The following SH2B2 variants were observed in gnomAD, a reference collection of about 807,000 sequenced individuals.
SH2B2 encodes SH2B adapter protein 2.
A neutral mutation model predicts 35.7 loss-of-function variants in SH2B2; 37 were observed. The ratio of observed to expected loss-of-function variants is 1.04; its 90% confidence interval spans 0.80 to 1.36. The LOEUF is 1.36. Ranked by LOEUF, SH2B2 falls within the 40% of genes most tolerant of loss-of-function variation. The probability of loss-of-function intolerance (pLI) is 0.00; values close to 1 mark genes in which losing one functional copy is unlikely to be tolerated. For missense variants in SH2B2, 852 were observed against 817.7 expected, an observed-to-expected ratio of 1.04 and a Z score of -0.51; for synonymous variants, 383 against 376.4, an observed-to-expected ratio of 1.02 and a Z score of -0.20.
At chr7:102,320,789 G>A (rs1207551852) in intron 8 of SH2B2, among the ~76,000 whole-genome samples, 2 of 152,120 alleles carry the variant, frequency 1.3e-5, no homozygotes, top group Non-Finnish European at 2.9e-5. Flanking sequence ...ACAGGGGTGT[G>A]GATTGGGGCA....
At chr7:102,314,083 G>A (rs973203078) in intron 4 of SH2B2, among the ~76,000 whole-genome samples, 3 of 152,140 alleles carry the variant, frequency 2.0e-5, no homozygotes, top group East Asian at 1.9e-4. Flanking sequence ...TTTTTTGTTC[G>A]AGGCTGCTGC....
At chr7:102,293,570 C>G (rs1792778581) in intron 1 of SH2B2, among the ~76,000 whole-genome samples, 1 of 151,864 alleles carries the variant, frequency 6.6e-6, no homozygotes, top group African/African-American at 2.4e-5. Context: ...GGAGGGTGGT[C>G]TACCCGCCCA....
intron 1 of SH2B2, among the ~76,000 whole-genome samples, chr7:102,298,680 G>C (rs1274757056): frequency 2.6e-5 from 4 of 152,074 alleles, no homozygotes; most frequent in Admixed American, 6.6e-5. Flanking sequence ...TCCAGGCTCA[G>C]GTGATCGTCC....
At chr7:102,306,475 C>T (rs1237940625) in intron 2 of SH2B2, among the ~76,000 whole-genome samples, 8 of 152,196 alleles carry the variant, frequency 5.3e-5, no homozygotes, top group East Asian at 1.9e-4. Flanking sequence ...CCTCCTGCCT[C>T]GGCCTCCCAA....
intron 3 of SH2B2, among the ~76,000 whole-genome samples, chr7:102,307,579 A>AGGCTGGG (rs1282842997): frequency 2.0e-5 from 3 of 151,926 alleles, no homozygotes; most frequent in African/African-American, 7.3e-5. Flanking sequence ...GAGTCATCCC[A>AGGCTGGG]GGCTGGGGGC....
At chr7:102,315,172 G>A (rs1177962823) in intron 6 of SH2B2, among the ~76,000 whole-genome samples, 1 of 151,020 alleles carries the variant, frequency 6.6e-6, no homozygotes, top group Non-Finnish European at 1.5e-5. Flanking sequence ...CTGGGCGACA[G>A]AGTGAGACTA....
At chr7:102,320,906 C>T (rs1266867996) in intron 8 of SH2B2, among the ~76,000 whole-genome samples, 6 of 152,064 alleles carry the variant, frequency 3.9e-5, no homozygotes, top group Non-Finnish European at 8.8e-5. Context: ...CATGTGCATG[C>T]GTGTGCTTGT....
rs73712462 is a variant in SH2B2, at chr7:102,317,464, G to A, written c.1395+69G>A. ...GAGGGAGAGGGGTCATGGTGACCCC[G>A]GTCCTGAGGCTGTGCCCTGGAAGCA... On this transcript the variant is annotated intron_variant, in intron 7 of 8. Coordinates refer to ENST00000444095, the MANE Select transcript of SH2B2 (RefSeq NM_001359228.2). 2,426 of 1,359,580 alleles carry A rather than the reference G, an allele frequency of 1.8e-3. 39 individuals are homozygous for A. The African/African-American group carries it at 0.031, about 17-fold the overall frequency. The allele number at this position is 1,359,580 out of a possible 1,614,324, so 84.2% of individuals were successfully genotyped here.
At chr7:102,320,571 T>C in intron 8 of SH2B2, 69 bp downstream of exon 8, 2 of 1,530,020 alleles carry the variant, frequency 1.3e-6, no homozygotes, top group South Asian at 2.4e-5. Context: ...AAGAAGGTGG[T>C]CCCTGGGGTG....
intron 7 of SH2B2, among the ~76,000 whole-genome samples, chr7:102,318,375 G>A (rs1002490496): frequency 6.6e-6 from 1 of 152,148 alleles, no homozygotes; most frequent in Admixed American, 6.6e-5. Flanking sequence ...CTGACCTCAG[G>A]TGATCCACCC....
At position 102,300,808 on chromosome 7, in the gene SH2B2, G is replaced by T. The variant is rs1586578364; in HGVS notation, c.258G>T (p.Thr86=). ...EVRRVLVAGP[T]TRGAAVSAEA... is the part of the protein sequence containing the mutation. ...GCCGCGTGCTGGTGGCTGGGCCGACGACTCGGGGCGCGGCCGTGAGCGCAG... is the reference window on the plus strand; with the variant it reads ...GCCGCGTGCTGGTGGCTGGGCCGACTACTCGGGGCGCGGCCGTGAGCGCAG... Residue 86 remains threonine, a synonymous_variant, in exon 2 of 9, where the codon ACG becomes ACT. Coordinates refer to ENST00000444095, the MANE Select transcript of SH2B2 (RefSeq NM_001359228.2). The T allele has an allele frequency of 2.0e-6, 3 of 1,489,856 alleles. No individual in the cohort carries two copies. Among genetic ancestry groups the T allele is most frequent in the Non-Finnish European group, 2.7e-6 (3 of 1,115,720 alleles). The allele number at this position is 1,489,856 out of a possible 1,614,324, so 92.3% of individuals were successfully genotyped here. A position where few individuals can be genotyped will look rare whatever the true frequency, so the allele number is the denominator to read the frequency against.
intron 3 of SH2B2, among the ~76,000 whole-genome samples, 189 bp downstream of exon 3, chr7:102,307,011 G>T (rs1793429993): frequency 6.6e-6 from 1 of 152,224 alleles, no homozygotes; most frequent in Admixed American, 6.5e-5. Context: ...CTTGAGTCTG[G>T]GCTCCACAGC....
chr7:102,308,333 T>G (rs544599085), intron 3 of SH2B2, among the ~76,000 whole-genome samples: 94 of 152,358 alleles, frequency 6.2e-4, no homozygotes, highest in Non-Finnish European at 1.0e-3. Flanking sequence ...TCTCCTGCCC[T>G]CTTCCCCTTC....
chr7:102,320,640 A>T lies in SH2B2; in HGVS notation c.1567+138A>T, dbSNP rs1794020957. 2.5e-6 allele frequency: 3 copies of T among 1,187,728 alleles called. No individual in the cohort carries two copies. The African/African-American group carries it at 4.6e-5, about 18-fold the overall frequency. The allele number at this position is 1,187,728 out of a possible 1,614,324, so 73.6% of individuals were successfully genotyped here. ...AGCCGTGTCCCTCCCACCCTAGCCT[A>T]GCCACAGCAATTTCAAGCAGTCACG... On this transcript the variant is annotated intron_variant, in intron 8 of 8. Coordinates refer to ENST00000444095, the MANE Select transcript of SH2B2 (RefSeq NM_001359228.2).
Position 102,287,284 on chromosome 7 carries a change from C to T in SH2B2, c.-30+190C>T, listed in dbSNP as rs551921679. On this transcript the variant is annotated intron_variant, in intron 1 of 8. Coordinates refer to ENST00000444095, the MANE Select transcript of SH2B2 (RefSeq NM_001359228.2). ...GGGCGCGCGAGGGAGGGGAGGCGCCCCCGGCTGGGATCTGCTCCCCGATCC... is the reference window on the plus strand; with the variant it reads ...GGGCGCGCGAGGGAGGGGAGGCGCCTCCGGCTGGGATCTGCTCCCCGATCC... 5.4e-3 allele frequency among the ~76,000 whole-genome samples: 822 copies of T among 152,078 alleles called. 10 individuals are homozygous for T. The highest frequency in any genetic ancestry group is 0.019 in the African/African-American group (783 of 41,522).
At chr7:102,298,869 C>T (rs555287299) in intron 1 of SH2B2, among the ~76,000 whole-genome samples, 67 of 150,736 alleles carry the variant, frequency 4.4e-4, no homozygotes, top group African/African-American at 7.3e-5. Flanking sequence ...CCAATGTGCC[C>T]GGCCAAGACA....
rs1554550979 is a variant in SH2B2 at position 102,286,967 on chromosome 7, G to T, written c.-157G>T. 6.6e-6 allele frequency: 1 copy of T among 150,694 alleles called. No individual in the cohort carries two copies. Among genetic ancestry groups the T allele is most frequent in the Non-Finnish European group, 1.5e-5 (1 of 67,570 alleles). The allele number at this position is 150,694 out of a possible 1,614,324, so 9.3% of individuals were successfully genotyped here. On this transcript the variant is annotated 5_prime_UTR_variant, in exon 1 of 9. Coordinates refer to ENST00000444095, the MANE Select transcript of SH2B2 (RefSeq NM_001359228.2). Reference sequence around the variant, plus strand: ...CGCGAGGAGCGCAGGAGCCTTCGAGGCGGTGAACGAGGGAGGGAGCCCAGT... The same window carrying T: ...CGCGAGGAGCGCAGGAGCCTTCGAGTCGGTGAACGAGGGAGGGAGCCCAGT...
intron 1 of SH2B2, among the ~76,000 whole-genome samples, chr7:102,292,168 C>G (rs1160515042): frequency 2.6e-5 from 4 of 151,986 alleles, no homozygotes; most frequent in Admixed American, 1.3e-4. Context: ...AAGGAGGTAC[C>G]CCAAGAAGAG....
At chr7:102,309,262 C>T (rs782122542) in intron 4 of SH2B2, 1 of 435,942 alleles carries the variant, frequency 2.3e-6, no homozygotes, top group Non-Finnish European at 4.5e-6. Flanking sequence ...TCTGTGACCC[C>T]AACACTTTGG....
Sources: allele counts gnomAD v4.1 joint callset (sites outside exome capture counted in the v4.1 genomes callset), GRCh38; gene constraint gnomAD v4.1.1; transcripts MANE v1.5; gene names NCBI Gene and HGNC (gene_info 2026-07-23, HGNC 2026-07-21).